ADGRG2: variants seen among roughly 807,000 people sequenced by gnomAD.
The protein encoded by ADGRG2 is G protein-coupled receptor 64.
ADGRG2 carries 26 observed loss-of-function variants against 74.1 expected under a neutral mutation model. That is an observed-to-expected ratio of 0.35 (90% CI 0.26 to 0.49). The LOEUF is 0.49. Ranked by LOEUF, ADGRG2 falls within the 20% of genes least tolerant of loss-of-function variation. The probability of loss-of-function intolerance (pLI) is 0.99; values close to 1 mark genes in which losing one functional copy is unlikely to be tolerated. For synonymous variants in ADGRG2, 296 were observed against 295.2 expected (o/e 1.00, Z -0.03); for missense variants, 619 against 763.1 (o/e 0.81, Z 2.22).
At chrX:19,087,224 A>T (rs1300362329) in intron 1 of ADGRG2, among the ~76,000 whole-genome samples, 7 of 112,134 alleles carry the variant, frequency 6.2e-5, no homozygotes, top group Middle Eastern at 4.6e-3. Flanking sequence ...AAATTGTGAG[A>T]TGGTTCTGGA....
At chrX:19,049,543 G>A (rs1267849391) in intron 3 of ADGRG2, among the ~76,000 whole-genome samples, 1 of 107,062 alleles carries the variant, frequency 9.3e-6, no homozygotes, top group African/African-American at 3.5e-5. Context: ...ACCTAGGCAA[G>A]CTTCTCCAAC....
chrX:19,074,103 T>C (rs1164569245), intron 2 of ADGRG2, among the ~76,000 whole-genome samples: 1 of 111,230 alleles, frequency 9.0e-6, no homozygotes, highest in South Asian at 3.8e-4. Flanking sequence ...ATGACTTCGA[T>C]ACAGGAAATA....
chrX:19,121,484 T>A (rs2062608739), intron 1 of ADGRG2, among the ~76,000 whole-genome samples: 1 of 111,199 alleles, frequency 9.0e-6, no homozygotes, highest in South Asian at 3.8e-4. Context: ...AAAGAGGTAT[T>A]AAAGCTATAC....
At chrX:19,064,250 A>G (rs993910693) in intron 3 of ADGRG2, among the ~76,000 whole-genome samples, 3 of 112,364 alleles carry the variant, frequency 2.7e-5, no homozygotes, top group Non-Finnish European at 3.8e-5. Flanking sequence ...CATCTGCTAT[A>G]GGTGGCTTAG....
At chrX:19,098,049 T>G (rs1215390246) in intron 1 of ADGRG2, among the ~76,000 whole-genome samples, 1 of 113,133 alleles carries the variant, frequency 8.8e-6, no homozygotes, top group Non-Finnish European at 1.9e-5. Context: ...ATGTCACACA[T>G]GATAATTTCT....
At chrX:19,077,334 T>TAAAAA (rs34976230) in intron 2 of ADGRG2, among the ~76,000 whole-genome samples, 1 of 38,613 alleles carries the variant, frequency 2.6e-5, no homozygotes, top group African/African-American at 1.3e-4. Flanking sequence ...CTGTCTCTAC[T>TAAAAA]AAAAAAAAAA....
At chrX:19,102,517 A>G in intron 1 of ADGRG2, among the ~76,000 whole-genome samples, 1 of 109,149 alleles carries the variant, frequency 9.2e-6, no homozygotes, top group African/African-American at 3.3e-5. Flanking sequence ...CCCATCGACC[A>G]GGTTCTGTGC....
At chrX:19,036,657 T>C (rs2060949203) in intron 6 of ADGRG2, among the ~76,000 whole-genome samples, 1 of 66,422 alleles carries the variant, frequency 1.5e-5, no homozygotes, top group Non-Finnish European at 3.8e-5. Flanking sequence ...ACACACAAAA[T>C]GGGATCCAAA....
intron 3 of ADGRG2, among the ~76,000 whole-genome samples, chrX:19,057,167 T>TA (rs928682852): frequency 2.1e-4 from 23 of 111,931 alleles, no homozygotes; most frequent in Admixed American, 1.5e-3. Flanking sequence ...GAGGGCATTT[T>TA]AAAAAATCAT....
rs779534604 is a variant in ADGRG2 at position 19,094,025 on chromosome X, TCAGAAA to T, written c.-46-11285_-46-11280del. On this transcript the variant is annotated intron_variant, in intron 1 of 28. Coordinates refer to ENST00000379869, the MANE Select transcript of ADGRG2 (RefSeq NM_001079858.3). Reference sequence around the variant, plus strand: ...TGAAACTGGAGGCCATTATCTTAACTCAGAAACAGAAAGCCAAATACTGCATGTTCT... The same window carrying T: ...TGAAACTGGAGGCCATTATCTTAACTCAGAAAGCCAAATACTGCATGTTCT... 3.0e-4 allele frequency among the ~76,000 whole-genome samples: 33 copies of T among 111,371 alleles called. 1 individual carries two copies. The South Asian group carries it at 0.012, about 41-fold the overall frequency.
intron 1 of ADGRG2, among the ~76,000 whole-genome samples, chrX:19,109,248 A>T (rs2062370520): frequency 9.0e-6 from 1 of 111,295 alleles, no homozygotes; most frequent in Non-Finnish European, 1.9e-5. Context: ...CATTTGGCCC[A>T]GTTTAAAAAA....
chrX:19,058,591 A>G (rs1218766257), intron 3 of ADGRG2, among the ~76,000 whole-genome samples: 1 of 112,134 alleles, frequency 8.9e-6, no homozygotes, highest in Non-Finnish European at 1.9e-5. Context: ...TTCAAATTAA[A>G]AAACTCTATG....
intron 1 of ADGRG2, among the ~76,000 whole-genome samples, chrX:19,092,763 T>C (rs1309093526): frequency 8.9e-6 from 1 of 111,915 alleles, no homozygotes; most frequent in Non-Finnish European, 1.9e-5. Flanking sequence ...TCTGGCGAGA[T>C]GGAGGAGGAC....
intron 3 of ADGRG2, among the ~76,000 whole-genome samples, 200 bp from the exon 4 acceptor site, chrX:19,040,424 C>A (rs2061034427): frequency 9.0e-6 from 1 of 111,646 alleles, no homozygotes; most frequent in Non-Finnish European, 1.9e-5. Flanking sequence ...TGTTATAAAC[C>A]TCAAATGTGC....
At chrX:19,020,995 C>G in intron 14 of ADGRG2, 109 bp downstream of exon 14, 1 of 521,598 alleles carries the variant, frequency 1.9e-6, no homozygotes, top group Non-Finnish European at 3.2e-6. Context: ...ACAAAGGAGT[C>G]AAAACAGAAA....
chrX:19,067,832 A>G (rs1210135169), intron 3 of ADGRG2, among the ~76,000 whole-genome samples: 2 of 112,339 alleles, frequency 1.8e-5, no homozygotes, highest in Non-Finnish European at 3.8e-5. Flanking sequence ...AAGGACTTGA[A>G]TAGACACTTC....
rs368112722 is a variant in ADGRG2 at position 19,031,036 on chromosome X, G to A, written c.306C>T (p.Gly102=). ...TGCAGATATTTCTCTGGGGTTTGACGCCTGCAAAGAAAACACAACCCAGCT... is the reference window on the plus strand; with the variant it reads ...TGCAGATATTTCTCTGGGGTTTGACACCTGCAAAGAAAACACAACCCAGCT... ...ITIVKTFNAS[G]VKPQRNICNL... is the part of the protein sequence containing the mutation. The change falls in exon 9 of 29, where the codon GGC becomes GGT. Residue 102 remains glycine (G), a splice_region_variant and synonymous_variant. Coordinates refer to ENST00000379869, the MANE Select transcript of ADGRG2 (RefSeq NM_001079858.3). The A allele has an allele frequency of 9.3e-6, 11 of 1,185,908 alleles. No homozygotes were observed. Among genetic ancestry groups the A allele is most frequent in the African/African-American group, 3.5e-5 (2 of 56,922 alleles).
At chrX:19,001,358 T>C (rs918488157) in intron 24 of ADGRG2, among the ~76,000 whole-genome samples, 1 of 111,732 alleles carries the variant, frequency 8.9e-6, no homozygotes, top group African/African-American at 3.3e-5. Flanking sequence ...CTCTGCACAC[T>C]GACCAGCAGA....
At chrX:19,120,627 C>A (rs1018450431) in intron 1 of ADGRG2, among the ~76,000 whole-genome samples, 18 of 111,601 alleles carry the variant, frequency 1.6e-4, no homozygotes, top group Non-Finnish European at 2.6e-4. Context: ...AAAATGGGTT[C>A]TCTTTCCACG....
Sources: gnomAD v4.1 joint callset for allele counts (sites outside exome capture counted in the v4.1 genomes callset) on GRCh38, gnomAD v4.1.1 for gene constraint, MANE v1.5 for transcripts, NCBI Gene and HGNC (gene_info 2026-07-23, HGNC 2026-07-21) for gene names.